The following KCNN2 variants were observed in gnomAD, a reference collection of about 807,000 sequenced individuals.
The protein encoded by KCNN2 is potassium calcium-activated channel subfamily N member 2.
A neutral mutation model predicts 55.5 loss-of-function variants in KCNN2; 24 were observed. The observed-to-expected ratio is 0.43, with a 90% CI of 0.31 to 0.61. The LOEUF is 0.61. KCNN2 is among the 20% of genes least tolerant of loss of function. KCNN2 has a pLI of 0.08. For missense variants in KCNN2, 754 were observed against 853.6 expected (o/e 0.88, Z 1.45); for synonymous variants, 431 against 336.1 (o/e 1.28, Z -3.09).
At chr5:114,419,472 A>G (rs1455797399) in intron 3 of KCNN2, among the ~76,000 whole-genome samples, 1 of 152,204 alleles carries the variant, frequency 6.6e-6, no homozygotes, top group Non-Finnish European at 1.5e-5. Flanking sequence ...GGGGTCAGAC[A>G]ATGGATTTCT....
intron 2 of KCNN2, among the ~76,000 whole-genome samples, chr5:114,237,235 C>T (rs1754516636): frequency 6.7e-6 from 1 of 149,684 alleles, no homozygotes; most frequent in South Asian, 2.1e-4. Context: ...ACTTCCATCT[C>T]CTGATGTGGG....
Position 114,435,340 on chromosome 5 carries a change from C to T in KCNN2, c.1638-27709C>T, listed in dbSNP as rs1224290987. Among the ~76,000 whole-genome samples, 3 of 152,070 alleles carry T rather than the reference C, an allele frequency of 2.0e-5. No individual in the cohort carries two copies. In the East Asian group the frequency reaches 5.8e-4, roughly 29 times the overall value. The stretch of plus-strand genomic sequence containing the variant: ...CCTAGTTTTGAGGGTGGTGGTTTGT[C>T]TTGTGACCTTAATTCTCTGCTAGAT... On this transcript the variant is annotated intron_variant, in intron 3 of 7. Coordinates refer to ENST00000673685, the MANE Select transcript of KCNN2 (RefSeq NM_021614.4).
At chr5:114,283,000 C>G (rs1448699483) in intron 2 of KCNN2, among the ~76,000 whole-genome samples, 1 of 152,090 alleles carries the variant, frequency 6.6e-6, no homozygotes, top group Admixed American at 6.6e-5. Flanking sequence ...TTGTTATTGT[C>G]TTTTCTTTTC....
At chr5:114,358,750 G>C (rs1757346898), upstream of KCNN2, among the ~76,000 whole-genome samples, 1 of 151,826 alleles carries the variant, frequency 6.6e-6, no homozygotes, top group South Asian at 2.1e-4. Flanking sequence ...TACTATCCAC[G>C]TGGAAGAATA....
chr5:114,494,510 G>A (rs574704283), intron 7 of KCNN2, among the ~76,000 whole-genome samples: 1 of 151,758 alleles, frequency 6.6e-6, no homozygotes, highest in Non-Finnish European at 1.5e-5. Context: ...CGATTAACGT[G>A]TATAAATGTG....
At chr5:114,439,942 C>T (rs927919129) in intron 3 of KCNN2, among the ~76,000 whole-genome samples, 2 of 152,064 alleles carry the variant, frequency 1.3e-5, no homozygotes, top group African/African-American at 2.4e-5. Context: ...CATTTAAATC[C>T]CTGGTGGGTA....
At chr5:114,437,669 A>G (rs1760055518) in intron 3 of KCNN2, among the ~76,000 whole-genome samples, 1 of 152,226 alleles carries the variant, frequency 6.6e-6, no homozygotes, top group African/African-American at 2.4e-5. Flanking sequence ...TTCCAACTAC[A>G]TGTGATCACA....
rs555969598 is a variant in KCNN2, at chr5:114,444,083, G to T, written c.1638-18966G>T. On this transcript the variant is annotated intron_variant, in intron 3 of 7. Transcript: ENST00000673685. ...GACTGGTAAGATGTCTGTTACAATG[G>T]ACTAAGCCTCTGTCTTCTCATCACT... Among the ~76,000 whole-genome samples the T allele has an allele frequency of 5.6e-4, 85 of 152,266 alleles. 1 individual carries two copies. In the South Asian group the frequency reaches 5.6e-3, roughly 10 times the overall value.
intron 7 of KCNN2, 146 bp downstream of exon 7, chr5:114,493,618 C>T: frequency 1.6e-6 from 1 of 640,114 alleles, no homozygotes. Flanking sequence ...GATGGTCCAA[C>T]TTAAAAGAAT....
chr5:114,093,550 A>G (rs368024548), intron 1 of KCNN2, among the ~76,000 whole-genome samples: 1 of 152,224 alleles, frequency 6.6e-6, no homozygotes, highest in African/African-American at 2.4e-5. Flanking sequence ...AAACTGCCCA[A>G]GTCTGGGTAA....
Position 114,202,585 on chromosome 5 carries a change from A to ATTTTTT in KCNN2, c.-270-18884_-270-18879dup, listed in dbSNP as rs34199170. Reference sequence around the variant, plus strand: ...TGTGTGTGTATATATATATATATATATTTTTTTTTTTTTTTTCCCGAGACA... The same window carrying ATTTTTT: ...TGTGTGTGTATATATATATATATATATTTTTTTTTTTTTTTTTTTTTTCCCGAGACA... On this transcript the variant is annotated intron_variant, in intron 1 of 10. Transcript: ENST00000512097. 4.6e-3 allele frequency among the ~76,000 whole-genome samples: 428 copies of ATTTTTT among 92,118 alleles called. 10 individuals are homozygous for ATTTTTT. The highest frequency in any genetic ancestry group is 0.011 in the Middle Eastern group (1 of 90). The allele number at this position is 92,118 out of a possible 152,430, so 60.4% of individuals were successfully genotyped here.
chr5:114,294,337 G>T (rs1249190530), intron 2 of KCNN2, among the ~76,000 whole-genome samples: 24 of 152,050 alleles, frequency 1.6e-4, no homozygotes, highest in Admixed American at 3.3e-4. Context: ...TTTAGTGCTA[G>T]AAATTTCCCT....
At chr5:114,375,109 A>G (rs1757893153) in intron 2 of KCNN2, among the ~76,000 whole-genome samples, 1 of 152,166 alleles carries the variant, frequency 6.6e-6, no homozygotes, top group Non-Finnish European at 1.5e-5. Flanking sequence ...TTCTTAGAAT[A>G]GTGTCTCCAG....
chr5:114,254,703 A>G (rs1754946195), intron 2 of KCNN2, among the ~76,000 whole-genome samples: 1 of 152,170 alleles, frequency 6.6e-6, no homozygotes, highest in African/African-American at 2.4e-5. Context: ...TCTTTATCAT[A>G]TCTGTTCCTT....
intron 1 of KCNN2, among the ~76,000 whole-genome samples, chr5:114,184,604 G>T (rs1325710432): frequency 2.0e-5 from 3 of 151,900 alleles, no homozygotes; most frequent in Non-Finnish European, 4.4e-5. Flanking sequence ...TAAGAATGCT[G>T]GATTATATTT....
intron 2 of KCNN2, among the ~76,000 whole-genome samples, chr5:114,239,004 T>C (rs1754565819): frequency 6.6e-6 from 1 of 152,168 alleles, no homozygotes; most frequent in African/African-American, 2.4e-5. Context: ...GTGGTTTACT[T>C]TCTGAAACAA....
At chr5:114,373,968 A>G (rs1284778911) in intron 2 of KCNN2, among the ~76,000 whole-genome samples, 8 of 151,910 alleles carry the variant, frequency 5.3e-5, no homozygotes, top group Admixed American at 3.3e-4. Flanking sequence ...TTGTTTTTTT[A>G]AACAGATTTA....
intron 2 of KCNN2, among the ~76,000 whole-genome samples, chr5:114,314,692 G>T (rs144079746): frequency 9.2e-5 from 14 of 152,122 alleles, no homozygotes; most frequent in African/African-American, 3.4e-4. Context: ...AAAAGTTATT[G>T]TACAGGCAGC....
intron 1 of KCNN2, among the ~76,000 whole-genome samples, chr5:114,073,755 A>G (rs1750625145): frequency 6.6e-6 from 1 of 152,246 alleles, no homozygotes; most frequent in Admixed American, 6.5e-5. Context: ...TGCCTGATCC[A>G]CAGCAGATGT....
Sources: allele counts gnomAD v4.1 joint callset (sites outside exome capture counted in the v4.1 genomes callset), GRCh38; gene constraint gnomAD v4.1.1; transcripts MANE v1.5; gene names NCBI Gene and HGNC (gene_info 2026-07-23, HGNC 2026-07-21).